Variants in ADORA2B observed in about 807,000 individuals in gnomAD.
The protein encoded by ADORA2B is adenosine receptor A2b.
A neutral mutation model predicts 20.8 loss-of-function variants in ADORA2B; 18 were observed. The ratio of observed to expected loss-of-function variants is 0.87; its 90% CI spans 0.60 to 1.29. ADORA2B has a LOEUF of 1.29. Ranked by LOEUF, ADORA2B falls within the 50% of genes most tolerant of loss-of-function variation. ADORA2B has a pLI of 0.00. For missense variants in ADORA2B, 441 were observed against 422.7 expected (o/e 1.04, Z -0.38); for synonymous variants, 179 against 178.3 (o/e 1.00, Z -0.03).
chr17:15,898,931 G>A, the ADORA2B span, among the ~76,000 whole-genome samples: 1 of 151,938 alleles, frequency 6.6e-6, no homozygotes, highest in Non-Finnish European at 1.5e-5. Context: ...CCGTGATGTG[G>A]ATTGAAAAAT....
the ADORA2B span, among the ~76,000 whole-genome samples, chr17:15,928,011 G>A: frequency 6.6e-6 from 1 of 152,040 alleles, no homozygotes; most frequent in Admixed American, 6.5e-5. Flanking sequence ...TAGTAGAGAT[G>A]GGGTTTCACG....
At chr17:15,963,647 T>G (rs1172074478) in intron 1 of ADORA2B, among the ~76,000 whole-genome samples, 1 of 152,172 alleles carries the variant, frequency 6.6e-6, no homozygotes, top group Non-Finnish European at 1.5e-5. Flanking sequence ...ATGTGATCCA[T>G]GAAAACAGCA....
chr17:15,862,191 TTTTTCTTTTC>T, the ADORA2B span, among the ~76,000 whole-genome samples: 36 of 140,848 alleles, frequency 2.6e-4, no homozygotes, highest in Non-Finnish European at 3.8e-4. Context: ...TTTTTTTTTC[TTTTTCTTTTC>T]TTTTCTTTTC....
the ADORA2B span, among the ~76,000 whole-genome samples, chr17:15,878,653 T>C: frequency 2.0e-5 from 3 of 152,264 alleles, no homozygotes; most frequent in Non-Finnish European, 2.9e-5. Flanking sequence ...CTAATACTTA[T>C]TAATGCTGGA....
At chr17:15,891,064 C>G in the ADORA2B span, among the ~76,000 whole-genome samples, 1 of 152,188 alleles carries the variant, frequency 6.6e-6, no homozygotes, top group Non-Finnish European at 1.5e-5. Flanking sequence ...GTCAGGAGTT[C>G]AAGACCAGCC....
chr17:15,858,191 C>T, the ADORA2B span, among the ~76,000 whole-genome samples: 3,001 of 152,270 alleles, frequency 0.02, 77 homozygotes, highest in Admixed American at 0.046. Context: ...ATACTGTTTT[C>T]CGTAATGGCT....
At chr17:15,862,190 CT>C in the ADORA2B span, among the ~76,000 whole-genome samples, 2 of 135,780 alleles carry the variant, frequency 1.5e-5, no homozygotes, top group Admixed American at 7.4e-5. Flanking sequence ...TTTTTTTTTT[CT>C]TTTTCTTTTC....
At chr17:15,913,086 G>T in the ADORA2B span, among the ~76,000 whole-genome samples, 1 of 152,072 alleles carries the variant, frequency 6.6e-6, no homozygotes, top group Non-Finnish European at 1.5e-5. Flanking sequence ...ATCTGTTGTT[G>T]CACTGTCTGT....
At chr17:15,852,668 A>C in the ADORA2B span, among the ~76,000 whole-genome samples, 1 of 152,246 alleles carries the variant, frequency 6.6e-6, no homozygotes, top group Non-Finnish European at 1.5e-5. Flanking sequence ...AGAAAACCAC[A>C]ATCTATAAAA....
At chr17:15,932,243 G>A in the ADORA2B span, among the ~76,000 whole-genome samples, 3,439 of 151,808 alleles carry the variant, frequency 0.023, 139 homozygotes, top group African/African-American at 0.078. Context: ...GCCTGTAATC[G>A]CAGCACTTTG....
the ADORA2B span, among the ~76,000 whole-genome samples, chr17:15,884,812 G>A: frequency 6.6e-6 from 1 of 152,090 alleles, no homozygotes; most frequent in Non-Finnish European, 1.5e-5. Flanking sequence ...TCTTTATTCA[G>A]TCTATCATTG....
chr17:15,856,569 G>A, the ADORA2B span, among the ~76,000 whole-genome samples: 1 of 152,148 alleles, frequency 6.6e-6, no homozygotes, highest in African/African-American at 2.4e-5. Context: ...GAAGATGTGG[G>A]AAAGTTTGGA....
At chr17:15,922,097 TA>T in the ADORA2B span, among the ~76,000 whole-genome samples, 6 of 152,208 alleles carry the variant, frequency 3.9e-5, no homozygotes, top group African/African-American at 1.4e-4. Context: ...TTCAAACATT[TA>T]TTTTTACTTG....
the ADORA2B span, among the ~76,000 whole-genome samples, chr17:15,932,055 T>G: frequency 2.6e-5 from 4 of 152,168 alleles, no homozygotes; most frequent in African/African-American, 4.8e-5. Flanking sequence ...TTATTAGATA[T>G]ATGATTTGCA....
chr17:15,946,792 T>G (rs1017775199), intron 1 of ADORA2B, among the ~76,000 whole-genome samples: 2 of 152,276 alleles, frequency 1.3e-5, no homozygotes, highest in Admixed American at 1.3e-4. Context: ...GCTGGCACCG[T>G]GTCCCCACCC....
the ADORA2B span, among the ~76,000 whole-genome samples, chr17:15,868,772 T>A: frequency 6.8e-6 from 1 of 146,868 alleles, no homozygotes; most frequent in Non-Finnish European, 1.5e-5. Flanking sequence ...AGAGTGAGAC[T>A]CCATCTCCAA....
At chr17:15,947,832 T>C (rs1375166732) in intron 1 of ADORA2B, among the ~76,000 whole-genome samples, 1 of 151,876 alleles carries the variant, frequency 6.6e-6, no homozygotes, top group African/African-American at 2.4e-5. Flanking sequence ...ATCTCTGGAG[T>C]GGGTGTCGAG....
chr17:15,908,447 G>A, the ADORA2B span: 1 of 153,300 alleles, frequency 6.5e-6, no homozygotes, highest in Non-Finnish European at 1.5e-5. Context: ...AGGGTTTCCA[G>A]GCAGCGTAAG....
chr17:15,895,908 C>T, the ADORA2B span, among the ~76,000 whole-genome samples: 9 of 152,152 alleles, frequency 5.9e-5, no homozygotes, highest in African/African-American at 2.2e-4. Flanking sequence ...AGTACCAAGA[C>T]CCCTGTGTAA....
Sources: allele counts gnomAD v4.1 joint callset (sites outside exome capture counted in the v4.1 genomes callset), GRCh38; gene constraint gnomAD v4.1.1; transcripts MANE v1.5; gene names NCBI Gene and HGNC (gene_info 2026-07-23, HGNC 2026-07-21).